The following MAPK8IP1 variants were observed in gnomAD, a reference collection of about 807,000 sequenced individuals.
MAPK8IP1 encodes the protein C-Jun-amino-terminal kinase-interacting protein 1.
Under a neutral mutation model 72.6 loss-of-function variants are expected in MAPK8IP1, and 17 were observed. The ratio of observed to expected loss-of-function variants is 0.23; its 90% confidence interval spans 0.16 to 0.35. The LOEUF (loss-of-function observed/expected upper bound fraction) is 0.35, where lower values mean the gene tolerates loss of function less well. MAPK8IP1 is among the 10% of genes least tolerant of loss of function. MAPK8IP1 has a pLI of 1.00. For synonymous variants in MAPK8IP1, 401 were observed against 443.4 expected (o/e 0.90, Z 1.20); for missense variants, 789 against 1,009.7 (o/e 0.78, Z 2.96).
chr11:45,898,921 CAG>C (rs1254138413), intron 2 of MAPK8IP1, among the ~76,000 whole-genome samples: 4 of 152,180 alleles, frequency 2.6e-5, no homozygotes, highest in Non-Finnish European at 5.9e-5. Flanking sequence ...AAATGGAGGA[CAG>C]AGCACAGGGC....
chr11:45,902,139 G>C lies in MAPK8IP1; in HGVS notation c.604+78G>C, dbSNP rs781317066. 1 of 1,319,524 alleles carries C rather than the reference G, an allele frequency of 7.6e-7. No individual in the cohort carries two copies. The highest frequency in any genetic ancestry group is 1.1e-6 in the Non-Finnish European group (1 of 910,988). 81.7% of individuals were successfully genotyped at this position (1,319,524 alleles called of 1,614,324 possible). On this transcript the variant is annotated intron_variant, in intron 4 of 11. Coordinates refer to ENST00000241014, the MANE Select transcript of MAPK8IP1 (RefSeq NM_005456.4). The surrounding 1 kb of genome is among the most constrained non-coding windows in gnomAD (Gnocchi z 9.3). ...CCCACTACAGAGAGCAAACCCTACA[G>C]TCTCCAAAGGGCTGAGTAGAGGTGA...
chr11:45,896,861 C>CCG (rs1565072380), intron 1 of MAPK8IP1: 1 of 1,549,528 alleles, frequency 6.5e-7, no homozygotes, highest in Admixed American at 2.0e-5. Context: ...CGCAGCCCCC[C>CCG]GGCCGGGCAG....
chr11:45,900,298 G>A lies in MAPK8IP1; in HGVS notation c.368G>A (p.Gly123Glu). 8 of 1,339,424 alleles carry A rather than the reference G, an allele frequency of 6.0e-6. No homozygotes were observed. Among genetic ancestry groups the A allele is most frequent in the Non-Finnish European group, 7.6e-6 (8 of 1,051,984 alleles). The allele number at this position is 1,339,424 out of a possible 1,614,324, so 83.0% of individuals were successfully genotyped here. ...GAGGAGCGCGCGGCCCGGCGGCCGG[G>A]AGCGGGGCCGCCCAAGGCCGAGTCC... ...DDEERAARRP[G>E]AGPPKAESGQ... is the part of the protein sequence containing the mutation. The change falls in exon 3 of 12, where the codon GGA becomes GAA. Residue 123 changes from glycine (G) to glutamate (E), a missense_variant. By Grantham distance (98) the Gly-to-Glu change is moderately conservative. Around this residue, in one of 4 missense-constraint regions of MAPK8IP1, gnomAD observed 112 missense variants for 192.8 expected, o/e 0.58. Coordinates refer to ENST00000241014, the MANE Select transcript of MAPK8IP1 (RefSeq NM_005456.4). The surrounding 1 kb of genome is among the most constrained non-coding windows in gnomAD (Gnocchi z 6.5).
At chr11:45,898,655 C>G (rs1016696535) in intron 2 of MAPK8IP1, among the ~76,000 whole-genome samples, 1 of 152,200 alleles carries the variant, frequency 6.6e-6, no homozygotes, top group Non-Finnish European at 1.5e-5. Flanking sequence ...CTGCTGGCTG[C>G]TATTACACCA....
At chr11:45,893,847 A>T (rs1054466752) in intron 1 of MAPK8IP1, among the ~76,000 whole-genome samples, 38 of 148,504 alleles carry the variant, frequency 2.6e-4, no homozygotes, top group African/African-American at 9.2e-4. Flanking sequence ...TTGACCTTCC[A>T]TGAGCCTTCA....
chr11:45,902,847 G>A lies in MAPK8IP1; in HGVS notation c.1080G>A (p.Pro360=), dbSNP rs772852952. 9 of 1,586,862 alleles carry A rather than the reference G, an allele frequency of 5.7e-6. No individual in the cohort carries two copies. The highest frequency in any genetic ancestry group is 2.3e-5 in the East Asian group (1 of 43,576). The change falls in exon 5 of 12, where the codon CCG becomes CCA. Residue 360 remains proline (P), a synonymous_variant. Coordinates refer to ENST00000241014, the MANE Select transcript of MAPK8IP1 (RefSeq NM_005456.4). The surrounding 1 kb of genome is among the most constrained non-coding windows in gnomAD (Gnocchi z 9.3). Reference sequence around the variant, plus strand: ...GGCGGGGGAGCCTGGGGGAGCCGCCGCCACCTCCACGGGCCTCTCTGAGCT... The same window carrying A: ...GGCGGGGGAGCCTGGGGGAGCCGCCACCACCTCCACGGGCCTCTCTGAGCT... ...GGWRGSLGEP[P]PPPRASLSSD... is the part of the protein sequence containing the mutation.
chr11:45,887,321 A>T (rs1380895146), intron 1 of MAPK8IP1, among the ~76,000 whole-genome samples: 1 of 152,230 alleles, frequency 6.6e-6, no homozygotes, highest in East Asian at 1.9e-4. Flanking sequence ...GAGAAAAAGC[A>T]CATCAGGTCA....
rs1178339347 is a variant in MAPK8IP1 at position 45,905,055 on chromosome 11, G to A, written c.1964+14G>A. The A allele has an allele frequency of 6.2e-7, 1 of 1,613,972 alleles. No homozygotes were observed. Among genetic ancestry groups the A allele is most frequent in the Admixed American group, 1.7e-5 (1 of 59,998 alleles). ...AAAGAACAACAAGTAAGTGGGGGTG[G>A]GATGGCAGTGGAGGAGGCACGGGTG... On this transcript the variant is annotated intron_variant, in intron 10 of 11. Coordinates refer to ENST00000241014, the MANE Select transcript of MAPK8IP1 (RefSeq NM_005456.4).
chr11:45,902,326 G>C lies in MAPK8IP1; in HGVS notation c.605-46G>C, dbSNP rs1362805538. On this transcript the variant is annotated intron_variant, in intron 4 of 11. Coordinates refer to ENST00000241014, the MANE Select transcript of MAPK8IP1 (RefSeq NM_005456.4). The surrounding 1 kb of genome is among the most constrained non-coding windows in gnomAD (Gnocchi z 9.3). The stretch of plus-strand genomic sequence containing the variant: ...TGAGAGTGGCAGGTGCAGGTAGCTG[G>C]GAGTTGGGAGAGAGCCCCTGCCTTC... The C allele has an allele frequency of 2.8e-6, 4 of 1,448,148 alleles. No individual in the cohort carries two copies. The Admixed American group carries it at 7.9e-5, about 28-fold the overall frequency. 89.7% of individuals were successfully genotyped at this position (1,448,148 alleles called of 1,614,324 possible). A position where few individuals can be genotyped will look rare whatever the true frequency, so the allele number is the denominator to read the frequency against.
At position 45,902,453 on chromosome 11, in the gene MAPK8IP1, G is replaced by A. The variant is rs376402426; in HGVS notation, c.686G>A (p.Arg229Gln). The A allele has an allele frequency of 2.4e-4, 385 of 1,598,966 alleles. No individual in the cohort carries two copies. Among genetic ancestry groups the A allele is most frequent in the Non-Finnish European group, 3.1e-4 (363 of 1,173,908 alleles). Residue 229 changes from arginine (R) to glutamine (Q), a missense_variant, in exon 5 of 12, where the codon CGA becomes CAA. Arg to Gln is a conservative substitution (Grantham distance 43). Transcript: ENST00000241014. The surrounding 1 kb of genome is among the most constrained non-coding windows in gnomAD (Gnocchi z 9.3). Reference protein sequence around the residue: ...PQSGPAPTTDRGTSTDSPCRR... With the variant: ...PQSGPAPTTDQGTSTDSPCRR... Reference sequence around the variant, plus strand: ...AGCGGCCCCGCCCCCACCACAGATCGAGGCACCTCCACCGACAGCCCTTGC... The same window carrying A: ...AGCGGCCCCGCCCCCACCACAGATCAAGGCACCTCCACCGACAGCCCTTGC...
Position 45,903,171 on chromosome 11 carries a change from C to T in MAPK8IP1, c.1404C>T (p.Arg468=). 6.2e-7 allele frequency: 1 copy of T among 1,601,868 alleles called. No homozygotes were observed. Among genetic ancestry groups the T allele is most frequent in the Non-Finnish European group, 8.5e-7 (1 of 1,174,678 alleles). ...TCCTGAACGTCTTCATGAGTGGCCG[C>T]TCCCGCTCCTCCAGTGAGTCAGCAA... is the stretch of plus-strand genomic sequence containing the variant. ...KKFLNVFMSG[R]SRSSSAESFG... Residue 468 remains arginine (R), a synonymous_variant, in exon 5 of 12, where the codon CGC becomes CGT. Coordinates refer to ENST00000241014, the MANE Select transcript of MAPK8IP1 (RefSeq NM_005456.4). The surrounding 1 kb of genome is among the most constrained non-coding windows in gnomAD (Gnocchi z 6.4).
intron 1 of MAPK8IP1, among the ~76,000 whole-genome samples, chr11:45,892,269 C>T (rs1294452403): frequency 1.3e-5 from 2 of 152,168 alleles, no homozygotes; most frequent in African/African-American, 4.8e-5. Flanking sequence ...TCCCAGAGGA[C>T]CTGACATCCT....
chr11:45,899,169 G>A lies in MAPK8IP1; in HGVS notation c.208-969G>A, dbSNP rs139965941. ...ACCTTCCACTCTCTGGCCAGGCCAG[G>A]AAGAGGCAGAGGCCTCTAGATTTGG... On this transcript the variant is annotated intron_variant, in intron 2 of 11. Coordinates refer to ENST00000241014, the MANE Select transcript of MAPK8IP1 (RefSeq NM_005456.4). Among the ~76,000 whole-genome samples, 396 of 152,320 alleles carry A rather than the reference G, an allele frequency of 2.6e-3. 2 individuals are homozygous for A. Among genetic ancestry groups the A allele is most frequent in the African/African-American group, 8.9e-3 (370 of 41,564 alleles).
At chr11:45,895,062 C>A (rs2086592890) in intron 1 of MAPK8IP1, among the ~76,000 whole-genome samples, 1 of 152,192 alleles carries the variant, frequency 6.6e-6, no homozygotes, top group Non-Finnish European at 1.5e-5. Context: ...ACACAGTGCC[C>A]ACGCAGACTA....
At chr11:45,886,418 T>G (rs1164195349) in intron 1 of MAPK8IP1, among the ~76,000 whole-genome samples, 2 of 152,194 alleles carry the variant, frequency 1.3e-5, no homozygotes, top group African/African-American at 4.8e-5. Flanking sequence ...CTGCCAGGCC[T>G]GGCGTGGCCG....
At position 45,904,347 on chromosome 11, in the gene MAPK8IP1, G is replaced by C. The variant is rs2086685039; in HGVS notation, c.1667-108G>C. On this transcript the variant is annotated intron_variant, in intron 7 of 11. Transcript: ENST00000241014. This position sits in a 1 kb window ranked among gnomAD's most constrained non-coding sequence, Gnocchi z 6.4. ...AGTTGGGCAGCCAGGGATTGTGGCA[G>C]CCTCTGTGGGCTCTGCCATTCCCCG... 2 of 1,177,010 alleles carry C rather than the reference G, an allele frequency of 1.7e-6. No homozygotes were observed. The highest frequency in any genetic ancestry group is 1.9e-5 in the Admixed American group (1 of 51,562). The allele number at this position is 1,177,010 out of a possible 1,614,324, so 72.9% of individuals were successfully genotyped here.
At chr11:45,890,852 G>A (rs571622516) in intron 1 of MAPK8IP1, among the ~76,000 whole-genome samples, 1 of 152,164 alleles carries the variant, frequency 6.6e-6, no homozygotes, top group East Asian at 1.9e-4. Flanking sequence ...GATAGGGCTG[G>A]GGCCAAAGAC....
chr11:45,904,136 C>T lies in MAPK8IP1; in HGVS notation c.1641C>T (p.Val547=), dbSNP rs747270526. 3 of 1,613,902 alleles carry T rather than the reference C, an allele frequency of 1.9e-6. No homozygotes were observed. Among genetic ancestry groups the T allele is most frequent in the African/African-American group, 1.3e-5 (1 of 74,914 alleles). Residue 547 remains valine, a synonymous_variant, in exon 7 of 12, where the codon GTC becomes GTT. Coordinates refer to ENST00000241014, the MANE Select transcript of MAPK8IP1 (RefSeq NM_005456.4). This position sits in a 1 kb window ranked among gnomAD's most constrained non-coding sequence, Gnocchi z 6.4. ...GVFPAYYAIE[V]TKEPEHMAAL... ...TTCCTGCCTATTACGCCATCGAGGT[C>T]ACCAAGGAGCCCGAGCACATGGCAG...
At chr11:45,897,355 C>G (rs1342352346) in intron 1 of MAPK8IP1, among the ~76,000 whole-genome samples, 1 of 152,104 alleles carries the variant, frequency 6.6e-6, no homozygotes, top group Non-Finnish European at 1.5e-5. Flanking sequence ...GGTTAGTATT[C>G]TGGTGCCCTG....
Sources: gnomAD v4.1 joint callset for allele counts (sites outside exome capture counted in the v4.1 genomes callset) on GRCh38, gnomAD v4.1.1 for gene constraint, gnomAD v4.1.1 regional missense constraint, Gnocchi (gnomAD v3.1) non-coding constraint, MANE v1.5 for transcripts, NCBI Gene and HGNC (gene_info 2026-07-23, HGNC 2026-07-21) for gene names.